LMTK2: variants seen among roughly 807,000 people sequenced by gnomAD.
LMTK2 encodes lemur tail kinase 2.
LMTK2 carries 37 observed loss-of-function variants against 127.5 expected under a neutral mutation model. The observed-to-expected ratio is 0.29, with a 90% confidence interval of 0.22 to 0.38. The LOEUF (loss-of-function observed/expected upper bound fraction) is 0.38, where lower values mean the gene tolerates loss of function less well. LMTK2 is among the 10% of genes least tolerant of loss of function. LMTK2 has a pLI of 1.00. For synonymous variants in LMTK2, 819 were observed against 810.1 expected (o/e 1.01, Z -0.19); for missense variants, 1,694 against 1,920.3 (o/e 0.88, Z 2.20).
chr7:98,112,762 A>T (rs1584239647), intron 1 of LMTK2, among the ~76,000 whole-genome samples: 1 of 152,236 alleles, frequency 6.6e-6, no homozygotes, highest in African/African-American at 2.4e-5. Context: ...GGGCTTTGAA[A>T]AAAGAAAGAA....
chr7:98,117,488 C>T (rs571568281), intron 1 of LMTK2, among the ~76,000 whole-genome samples: 7 of 152,268 alleles, frequency 4.6e-5, no homozygotes, highest in East Asian at 1.9e-4. Flanking sequence ...CTTTGGCCAT[C>T]GAGAGCTCTT....
At chr7:98,152,690 GC>G (rs1233158616) in intron 4 of LMTK2, among the ~76,000 whole-genome samples, 2 of 152,162 alleles carry the variant, frequency 1.3e-5, no homozygotes, top group Non-Finnish European at 2.9e-5. Context: ...GATATTGTGT[GC>G]CTAGAGACTG....
chr7:98,178,255 A>G (rs372211671), intron 7 of LMTK2, among the ~76,000 whole-genome samples: 1 of 152,200 alleles, frequency 6.6e-6, no homozygotes, highest in African/African-American at 2.4e-5. Context: ...AAGCATAAGT[A>G]GTTCACATAA....
At chr7:98,203,493 G>T in intron 11 of LMTK2, 81 bp from the exon 12 acceptor site, 5 of 1,487,998 alleles carry the variant, frequency 3.4e-6, no homozygotes, top group South Asian at 1.4e-5. Context: ...AGTCTGATGC[G>T]CCTGCCAGTG....
Position 98,165,969 on chromosome 7 carries a change from G to A in LMTK2, c.658-5572G>A, listed in dbSNP as rs1192065404. 3.3e-5 allele frequency among the ~76,000 whole-genome samples: 5 copies of A among 152,104 alleles called. No homozygotes were observed. The East Asian group carries it at 9.6e-4, about 29-fold the overall frequency. ...TGAGGTGTGGGGGTGATTGGGTCGG[G>A]GGTACGTTCCCAGTCCCTGCGTCTG... On this transcript the variant is annotated intron_variant, in intron 6 of 13. Transcript: ENST00000297293.
chr7:98,184,241 C>T (rs1193675148), intron 7 of LMTK2, among the ~76,000 whole-genome samples: 2 of 151,968 alleles, frequency 1.3e-5, no homozygotes, highest in Admixed American at 6.6e-5. Context: ...AGTGGGAGGT[C>T]GTATAAGAGG....
intron 11 of LMTK2, among the ~76,000 whole-genome samples, chr7:98,201,343 G>C (rs1291150112): frequency 6.6e-6 from 1 of 152,088 alleles, no homozygotes; most frequent in Admixed American, 6.6e-5. Context: ...TTCAGATTTT[G>C]GAATATTTGC....
rs117963738 is a variant in LMTK2 at position 98,185,312 on chromosome 7, C to T, written c.876+177C>T. 7.2e-4 allele frequency among the ~76,000 whole-genome samples: 110 copies of T among 152,228 alleles called. 1 individual carries two copies. The East Asian group carries it at 0.014, about 19-fold the overall frequency. On this transcript the variant is annotated intron_variant, in intron 8 of 13. Coordinates refer to ENST00000297293, the MANE Select transcript of LMTK2 (RefSeq NM_014916.4). The stretch of plus-strand genomic sequence containing the variant: ...CTGGCGTGTGGCTTGTGTAAGTCTG[C>T]GGCTTTGCATCCGAGGTTTTGCAAC...
At chr7:98,116,591 A>G (rs989886383) in intron 1 of LMTK2, among the ~76,000 whole-genome samples, 1 of 151,976 alleles carries the variant, frequency 6.6e-6, no homozygotes, top group African/African-American at 2.4e-5. Context: ...TTTCACAACA[A>G]TTTTAGATTT....
chr7:98,144,924 C>A (rs1796749385), intron 3 of LMTK2, among the ~76,000 whole-genome samples: 1 of 152,148 alleles, frequency 6.6e-6, no homozygotes, highest in South Asian at 2.1e-4. Flanking sequence ...TAAACAGCCC[C>A]CTGTTGATGG....
intron 2 of LMTK2, among the ~76,000 whole-genome samples, chr7:98,139,042 C>T (rs1212033085): frequency 6.6e-6 from 1 of 152,212 alleles, no homozygotes. Context: ...CAGGAAGCTA[C>T]AGTCTGGTAA....
intron 7 of LMTK2, among the ~76,000 whole-genome samples, chr7:98,180,001 T>G (rs1797331708): frequency 6.6e-6 from 1 of 152,244 alleles, no homozygotes; most frequent in South Asian, 2.1e-4. Context: ...ATTCTCTGCC[T>G]CAGTGTCCAT....
At chr7:98,140,609 A>G (rs1423651622) in intron 2 of LMTK2, among the ~76,000 whole-genome samples, 1 of 152,138 alleles carries the variant, frequency 6.6e-6, no homozygotes, top group African/African-American at 2.4e-5. Context: ...TACTCTTTTC[A>G]GAGAAATAGA....
chr7:98,135,864 C>A (rs570152834), intron 1 of LMTK2, among the ~76,000 whole-genome samples: 9 of 145,132 alleles, frequency 6.2e-5, no homozygotes, highest in African/African-American at 2.3e-4. Context: ...TTGGCATATT[C>A]TTTTTTTTTT....
Position 98,205,506 on chromosome 7 carries a change from C to T in LMTK2, c.*14C>T, listed in dbSNP as rs776522841. 4 of 1,612,318 alleles carry T rather than the reference C, an allele frequency of 2.5e-6. No individual in the cohort carries two copies. The highest frequency in any genetic ancestry group is 1.7e-4 in the Middle Eastern group (1 of 6,060). ...GAAAAGGACTAGGTGGCTGCCAACGCGCACGCTCGGGTCCGAGGCTGCTCC... is the reference window on the plus strand; with the variant it reads ...GAAAAGGACTAGGTGGCTGCCAACGTGCACGCTCGGGTCCGAGGCTGCTCC... On this transcript the variant is annotated 3_prime_UTR_variant, in exon 14 of 14. Transcript: ENST00000297293.
chr7:98,172,502 G>A (rs548512449), intron 7 of LMTK2, among the ~76,000 whole-genome samples: 7 of 152,128 alleles, frequency 4.6e-5, no homozygotes, highest in South Asian at 4.2e-4. Context: ...TTGGAGTCCC[G>A]TCTCAAATGA....
intron 11 of LMTK2, among the ~76,000 whole-genome samples, chr7:98,202,937 CGCATCTGGAGCCAA>C (rs1797724605): frequency 1.3e-5 from 2 of 152,156 alleles, no homozygotes; most frequent in African/African-American, 4.8e-5. Flanking sequence ...CAATCGCACG[CGCATCTGGAGCCAA>C]GCAGTGGGAG....
At chr7:98,113,627 T>C (rs777641466) in intron 1 of LMTK2, among the ~76,000 whole-genome samples, 9 of 152,200 alleles carry the variant, frequency 5.9e-5, no homozygotes, top group Non-Finnish European at 1.0e-4. Context: ...TTTAAAACTT[T>C]GTATTTACTA....
At chr7:98,180,357 TTAAAACTA>T (rs1241323989) in intron 7 of LMTK2, among the ~76,000 whole-genome samples, 1 of 152,254 alleles carries the variant, frequency 6.6e-6, no homozygotes, top group Non-Finnish European at 1.5e-5. Flanking sequence ...AGTTTACAAC[TTAAAACTA>T]TAAATTAGGC....
Sources: gnomAD v4.1 joint callset for allele counts (sites outside exome capture counted in the v4.1 genomes callset) on GRCh38, gnomAD v4.1.1 for gene constraint, MANE v1.5 for transcripts, NCBI Gene and HGNC (gene_info 2026-07-23, HGNC 2026-07-21) for gene names.